RIPOR3: variants seen among roughly 807,000 people sequenced by gnomAD.
The protein encoded by RIPOR3 is family with sequence similarity 65 member C.
In RIPOR3, 95 loss-of-function variants were observed where a neutral mutation model predicts 114.3. That is an observed-to-expected ratio of 0.83 (90% CI 0.70 to 0.99). The LOEUF (loss-of-function observed/expected upper bound fraction) is 0.99. Ranked by LOEUF, RIPOR3 falls within the 50% of genes least tolerant of loss-of-function variation. The pLI, the probability that RIPOR3 is intolerant of heterozygous loss-of-function variation, is 0.00. For missense variants in RIPOR3, 1,252 were observed against 1,266.9 expected (o/e 0.99, Z 0.18); for synonymous variants, 575 against 543.8 (o/e 1.06, Z -0.80).
intron 1 of RIPOR3, among the ~76,000 whole-genome samples, chr20:50,666,096 A>G (rs1568944075): frequency 6.6e-6 from 1 of 151,384 alleles, no homozygotes; most frequent in African/African-American, 2.4e-5. Context: ...GGGTTTATTA[A>G]CATGACAGTG....
rs2122988366 is a variant in RIPOR3 at position 50,602,460 on chromosome 20, G to A, written c.1271C>T (p.Ala424Val). The change falls in exon 13 of 22, where the codon GCG becomes GTG. Residue 424 changes from alanine (A) to valine (V), a missense_variant. Ala to Val is a moderately conservative substitution (Grantham distance 64, BLOSUM62 0). Transcript: ENST00000327979. This position sits in a 1 kb window ranked among gnomAD's most constrained non-coding sequence, Gnocchi z 4.3. ...CAGGAAGCCCACATCTGAGGTGGAC[G>A]CCGACGTGCTGGTCTCCGTGTCTCG... ...DPRDTETSTS[A>V]STSDVGFLPL... is the part of the protein sequence containing the mutation. 3.2e-6 allele frequency: 5 copies of A among 1,567,398 alleles called. No individual in the cohort carries two copies. The highest frequency in any genetic ancestry group is 1.7e-4 in the Middle Eastern group (1 of 5,800).
intron 16 of RIPOR3, chr20:50,594,999 G>T: frequency 2.0e-6 from 1 of 500,196 alleles, no homozygotes; most frequent in Non-Finnish European, 3.6e-6. Context: ...AGGTCCCACG[G>T]GGCAGAGGCA....
At chr20:50,660,526 G>A (rs1044653086) in intron 1 of RIPOR3, among the ~76,000 whole-genome samples, 2 of 151,992 alleles carry the variant, frequency 1.3e-5, no homozygotes, top group African/African-American at 4.8e-5. Context: ...CTGGTGAGAG[G>A]GTAGCACTTC....
intron 2 of RIPOR3, among the ~76,000 whole-genome samples, chr20:50,623,446 G>C (rs1037564913): frequency 3.3e-5 from 5 of 152,006 alleles, no homozygotes; most frequent in African/African-American, 9.7e-5. Context: ...GGGAGCAAAG[G>C]TGGAGAATGG....
rs556379809 is a variant in RIPOR3 at position 50,623,061 on chromosome 20, C to T, written c.123-2929G>A. Among the ~76,000 whole-genome samples, 6 of 152,020 alleles carry T rather than the reference C, an allele frequency of 3.9e-5. No homozygotes were observed. In the East Asian group the frequency reaches 7.8e-4, roughly 20 times the overall value. The stretch of plus-strand genomic sequence containing the variant: ...GGTGGATCAACTGAGGTCAGGAGTT[C>T]AAGACCAGCCTGACCAACCTGGTGA... On this transcript the variant is annotated intron_variant, in intron 2 of 21. Coordinates refer to ENST00000327979, the MANE Select transcript of RIPOR3 (RefSeq NM_001290268.2).
At chr20:50,588,873 G>A (rs1005053815) in intron 20 of RIPOR3, among the ~76,000 whole-genome samples, 3 of 151,412 alleles carry the variant, frequency 2.0e-5, no homozygotes, top group African/African-American at 7.3e-5. Context: ...GAGGTCAGGA[G>A]ATCGAGACCA....
At chr20:50,670,361 AC>A (rs1555874683) in intron 1 of RIPOR3, among the ~76,000 whole-genome samples, 1 of 142,902 alleles carries the variant, frequency 7.0e-6, no homozygotes, top group Admixed American at 7.3e-5. Flanking sequence ...ACACCCAGAC[AC>A]CCCCACCCCC....
intron 11 of RIPOR3, 115 bp downstream of exon 11, chr20:50,608,274 G>C: frequency 6.8e-7 from 1 of 1,465,676 alleles, no homozygotes. Context: ...GAGGACCCGT[G>C]AGGGCAGGGA....
chr20:50,652,802 G>A (rs745790444), intron 1 of RIPOR3, among the ~76,000 whole-genome samples: 6 of 152,214 alleles, frequency 3.9e-5, no homozygotes, highest in Non-Finnish European at 8.8e-5. Context: ...AAGCGCTGGA[G>A]AGGATGTGGG....
rs2083046957 is a variant in RIPOR3, at chr20:50,589,669, G to A, written c.2661+17C>T. The stretch of plus-strand genomic sequence containing the variant: ...AGGCTTTTCTATCAGCCACTAATGG[G>A]GAAACGTCAGGCTCACCTTGAGGTG... On this transcript the variant is annotated intron_variant, in intron 20 of 21. Transcript: ENST00000327979. 6.2e-7 allele frequency: 1 copy of A among 1,612,502 alleles called. No individual in the cohort carries two copies. Among genetic ancestry groups the A allele is most frequent in the Non-Finnish European group, 8.5e-7 (1 of 1,179,206 alleles).
chr20:50,591,596 G>C (rs1469849286), intron 19 of RIPOR3, among the ~76,000 whole-genome samples: 1 of 152,206 alleles, frequency 6.6e-6, no homozygotes, highest in Non-Finnish European at 1.5e-5. Context: ...CTCTAGTCTG[G>C]AGCTGAGACC....
intron 2 of RIPOR3, among the ~76,000 whole-genome samples, chr20:50,620,353 G>A (rs1399551125): frequency 6.6e-6 from 1 of 152,166 alleles, no homozygotes; most frequent in Non-Finnish European, 1.5e-5. Flanking sequence ...TGGGCCAGGT[G>A]CGGTGGCTCA....
At chr20:50,592,961 T>C (rs955354544) in intron 18 of RIPOR3, 74 bp downstream of exon 18, 46 of 1,556,324 alleles carry the variant, frequency 3.0e-5, no homozygotes, top group Non-Finnish European at 4.0e-5. Context: ...TTCTGAATTA[T>C]AACCTGAGAA....
At chr20:50,591,459 G>A (rs778257400) in intron 19 of RIPOR3, among the ~76,000 whole-genome samples, 5 of 152,102 alleles carry the variant, frequency 3.3e-5, no homozygotes, top group Non-Finnish European at 5.9e-5. Context: ...GGGTGCAGGT[G>A]GATTCATTAT....
At position 50,625,029 on chromosome 20, in the gene RIPOR3, C is replaced by T. The variant is rs762541327; in HGVS notation, c.123-4897G>A. Reference sequence around the variant, plus strand: ...ACTGGGTGATGATGACAGGCATGCACTCGGCACTTGCCAAGCTCAAATTCT... The same window carrying T: ...ACTGGGTGATGATGACAGGCATGCATTCGGCACTTGCCAAGCTCAAATTCT... On this transcript the variant is annotated intron_variant, in intron 2 of 21. Coordinates refer to ENST00000327979, the MANE Select transcript of RIPOR3 (RefSeq NM_001290268.2). Among the ~76,000 whole-genome samples the T allele has an allele frequency of 4.0e-5, 6 of 151,876 alleles. No homozygotes were observed. The South Asian group carries it at 6.2e-4, about 16-fold the overall frequency.
intron 1 of RIPOR3, among the ~76,000 whole-genome samples, chr20:50,647,474 TTC>T (rs1177451780): frequency 1.3e-5 from 2 of 148,340 alleles, no homozygotes. Context: ...CTTTGCCTCA[TTC>T]TCTTTTTTTT....
At chr20:50,674,545 C>G (rs184128877) in intron 1 of RIPOR3, among the ~76,000 whole-genome samples, 1 of 150,442 alleles carries the variant, frequency 6.6e-6, no homozygotes, top group African/African-American at 2.5e-5. Context: ...CCCAGAGACA[C>G]AGAATGTGAC....
At chr20:50,588,427 T>C (rs914880917) in intron 20 of RIPOR3, among the ~76,000 whole-genome samples, 1 of 152,270 alleles carries the variant, frequency 6.6e-6, no homozygotes, top group Non-Finnish European at 1.5e-5. Flanking sequence ...CAATCTGTAC[T>C]GAATTATCTT....
chr20:50,659,146 TA>T (rs2085911949), intron 1 of RIPOR3, among the ~76,000 whole-genome samples: 1 of 152,172 alleles, frequency 6.6e-6, no homozygotes, highest in Non-Finnish European at 1.5e-5. Flanking sequence ...AAAAAAATAA[TA>T]ATGCAGCATT....
Sources: allele counts gnomAD v4.1 joint callset (sites outside exome capture counted in the v4.1 genomes callset), GRCh38; gene constraint gnomAD v4.1.1; non-coding constraint Gnocchi (gnomAD v3.1); transcripts MANE v1.5; gene names NCBI Gene and HGNC (gene_info 2026-07-23, HGNC 2026-07-21).